Variants in ZNF804B observed in about 807,000 individuals in gnomAD.
The protein encoded by ZNF804B is zinc finger protein 804B.
A neutral mutation model predicts 101.4 loss-of-function variants in ZNF804B; 80 were observed. That is an observed-to-expected ratio of 0.79 (90% CI 0.66 to 0.95). The LOEUF is 0.95. Among genes scored for constraint, ZNF804B ranks in the 40% least tolerant of loss-of-function variants. The pLI, the probability that ZNF804B is intolerant of heterozygous loss-of-function variation, is 0.00. For synonymous variants in ZNF804B, 622 were observed against 558.8 expected (o/e 1.11, Z -1.59); for missense variants, 1,673 against 1,561.9 (o/e 1.07, Z -1.20).
intron 1 of ZNF804B, among the ~76,000 whole-genome samples, chr7:89,169,769 C>A (rs1791198158): frequency 1.3e-5 from 2 of 152,012 alleles, no homozygotes; most frequent in Admixed American, 1.3e-4. Flanking sequence ...TTAGAAGTAA[C>A]AAGTATAACT....
intron 1 of ZNF804B, among the ~76,000 whole-genome samples, chr7:89,027,576 G>A (rs1264309998): frequency 2.0e-5 from 3 of 152,016 alleles, no homozygotes; most frequent in Non-Finnish European, 4.4e-5. Context: ...AGAGTTCAGT[G>A]GCCAAAATAG....
intron 2 of ZNF804B, among the ~76,000 whole-genome samples, chr7:89,234,825 T>A (rs767172419): frequency 8.0e-4 from 121 of 152,164 alleles, no homozygotes; most frequent in Admixed American, 4.0e-3. Context: ...GGAGATGCAC[T>A]GTTGTCTTTC....
At position 89,338,254 on chromosome 7, in the gene ZNF804B, C is replaced by T. The variant is rs555927750; in HGVS notation, c.*1222C>T. 5.9e-5 allele frequency among the ~76,000 whole-genome samples: 9 copies of T among 152,158 alleles called. No individual in the cohort carries two copies. The highest frequency in any genetic ancestry group is 1.9e-4 in the African/African-American group (8 of 41,544). Reference sequence around the variant, plus strand: ...AATGCTGTCTATACGAAGATGCAAACTCCTCTACCACTAGAAGATTAGAGG... The same window carrying T: ...AATGCTGTCTATACGAAGATGCAAATTCCTCTACCACTAGAAGATTAGAGG... On this transcript the variant is annotated 3_prime_UTR_variant, in exon 4 of 4. Coordinates refer to ENST00000333190, the MANE Select transcript of ZNF804B (RefSeq NM_181646.5).
chr7:89,157,784 G>GGT (rs900795205), intron 1 of ZNF804B, among the ~76,000 whole-genome samples: 37 of 152,202 alleles, frequency 2.4e-4, no homozygotes, highest in African/African-American at 7.7e-4. Flanking sequence ...AGACAGGTCA[G>GGT]GTGTGTGACT....
chr7:89,132,749 A>G (rs1039160756), intron 1 of ZNF804B, among the ~76,000 whole-genome samples: 10 of 152,082 alleles, frequency 6.6e-5, no homozygotes, highest in Admixed American at 2.6e-4. Flanking sequence ...TGTAATTGTC[A>G]TGGCTAGAAT....
chr7:89,336,439 G>T lies in ZNF804B; in HGVS notation c.3457G>T (p.Asp1153Tyr). The change falls in exon 4 of 4, where the codon GAC becomes TAC. Residue 1153 changes from aspartate (D) to tyrosine (Y), a missense_variant. Coordinates refer to ENST00000333190, the MANE Select transcript of ZNF804B (RefSeq NM_181646.5). Reference sequence around the variant, plus strand: ...TCAACAGCCCATAACATTTTCTCCTGACGAAATAGATAAATATAAGATCCT... The same window carrying T: ...TCAACAGCCCATAACATTTTCTCCTTACGAAATAGATAAATATAAGATCCT... ...LIQQPITFSP[D>Y]EIDKYKILQL... The T allele has an allele frequency of 6.2e-7, 1 of 1,614,020 alleles. No individual in the cohort carries two copies. The highest frequency in any genetic ancestry group is 8.5e-7 in the Non-Finnish European group (1 of 1,180,008).
chr7:89,061,035 G>A (rs1023312358), intron 1 of ZNF804B, among the ~76,000 whole-genome samples: 9 of 152,018 alleles, frequency 5.9e-5, no homozygotes, highest in East Asian at 3.9e-4. Flanking sequence ...ATTACCAACC[G>A]TAGTAATATG....
intron 1 of ZNF804B, among the ~76,000 whole-genome samples, chr7:89,015,835 C>T (rs1390199781): frequency 1.3e-5 from 2 of 152,118 alleles, no homozygotes; most frequent in East Asian, 3.9e-4. Context: ...GATTTATAGT[C>T]CTTTGGGTAT....
At chr7:88,787,293 A>T (rs73198639) in intron 1 of ZNF804B, among the ~76,000 whole-genome samples, 9,218 of 152,176 alleles carry the variant, frequency 0.061, 402 homozygotes, top group South Asian at 0.18. Context: ...GGTGAAATGG[A>T]ATCCATTGAA....
At chr7:88,806,440 T>C (rs1790694502) in intron 1 of ZNF804B, among the ~76,000 whole-genome samples, 1 of 152,162 alleles carries the variant, frequency 6.6e-6, no homozygotes, top group Non-Finnish European at 1.5e-5. Flanking sequence ...GTTTTAATCA[T>C]TAACAGAGTT....
chr7:88,908,436 C>A (rs184816129), intron 1 of ZNF804B, among the ~76,000 whole-genome samples: 1 of 151,520 alleles, frequency 6.6e-6, no homozygotes. Context: ...ATGACTAAAA[C>A]AATAAAATTA....
At chr7:88,869,236 T>A (rs1021667150) in intron 1 of ZNF804B, among the ~76,000 whole-genome samples, 1 of 152,328 alleles carries the variant, frequency 6.6e-6, no homozygotes, top group African/African-American at 2.4e-5. Context: ...GGGCTAGTAT[T>A]GGTCACAACT....
chr7:89,216,736 C>T (rs1033326422), intron 1 of ZNF804B, among the ~76,000 whole-genome samples: 9 of 152,100 alleles, frequency 5.9e-5, no homozygotes, highest in South Asian at 4.1e-4. Flanking sequence ...ATTACTTCAC[C>T]CCATTCTGAA....
intron 1 of ZNF804B, among the ~76,000 whole-genome samples, chr7:88,818,640 T>C (rs1790923809): frequency 6.6e-6 from 1 of 152,200 alleles, no homozygotes; most frequent in Admixed American, 6.5e-5. Context: ...TTGAGTTCAT[T>C]TTGAGGGGAT....
intron 1 of ZNF804B, among the ~76,000 whole-genome samples, chr7:89,106,861 T>G (rs1790144401): frequency 6.6e-6 from 1 of 152,120 alleles, no homozygotes; most frequent in South Asian, 2.1e-4. Context: ...AGGAGATACA[T>G]TATATCTTTG....
At chr7:88,911,855 T>G (rs1792554903) in intron 1 of ZNF804B, among the ~76,000 whole-genome samples, 1 of 151,926 alleles carries the variant, frequency 6.6e-6, no homozygotes, top group Non-Finnish European at 1.5e-5. Flanking sequence ...TTCTGGTTAT[T>G]TATATTTATG....
At chr7:89,136,740 T>A (rs1431622394) in intron 1 of ZNF804B, among the ~76,000 whole-genome samples, 2 of 100,270 alleles carry the variant, frequency 2.0e-5, no homozygotes, top group East Asian at 4.2e-4. Context: ...TGTGTGAGTG[T>A]GTGTGTGTGT....
intron 1 of ZNF804B, among the ~76,000 whole-genome samples, chr7:89,173,779 A>G (rs1791275725): frequency 6.6e-6 from 1 of 151,984 alleles, no homozygotes; most frequent in South Asian, 2.1e-4. Flanking sequence ...ATCTAGCTGT[A>G]TATCTAATCA....
intron 2 of ZNF804B, among the ~76,000 whole-genome samples, chr7:89,236,818 A>G (rs1166825645): frequency 6.6e-6 from 1 of 152,142 alleles, no homozygotes; most frequent in Non-Finnish European, 1.5e-5. Context: ...CTGACAAGTA[A>G]TTTTAGAATC....
Sources: gnomAD v4.1 joint callset for allele counts (sites outside exome capture counted in the v4.1 genomes callset) on GRCh38, gnomAD v4.1.1 for gene constraint, MANE v1.5 for transcripts, NCBI Gene and HGNC (gene_info 2026-07-23, HGNC 2026-07-21) for gene names.